Variants in C2CD3 observed in about 807,000 individuals in gnomAD.
C2CD3 encodes the protein C2 domain containing 3 centriole elongation regulator.
Under a neutral mutation model 234.0 loss-of-function variants are expected in C2CD3, and 148 were observed. The ratio of observed to expected loss-of-function variants is 0.63; its 90% CI spans 0.55 to 0.72. The LOEUF is 0.72. Among genes scored for constraint, C2CD3 ranks in the 30% least tolerant of loss-of-function variants. The pLI, the probability that C2CD3 is intolerant of heterozygous loss-of-function variation, is 0.00. For synonymous variants in C2CD3, 1,000 were observed against 1,035.4 expected (o/e 0.97, Z 0.66); for missense variants, 2,577 against 2,811.5 (o/e 0.92, Z 1.89).
At chr11:74,167,271 GTTATA>G (rs1856871627) in intron 2 of C2CD3, among the ~76,000 whole-genome samples, 1 of 152,086 alleles carries the variant, frequency 6.6e-6, no homozygotes, top group African/African-American at 2.4e-5. Flanking sequence ...CTCCTCATTT[GTTATA>G]TTATATAAAA....
intron 24 of C2CD3, among the ~76,000 whole-genome samples, chr11:74,061,824 A>G (rs1954262934): frequency 1.3e-5 from 2 of 152,204 alleles, no homozygotes; most frequent in Admixed American, 1.3e-4. Context: ...AAAGACACAG[A>G]CTGGCAAATT....
At chr11:74,170,606 C>T (rs1374176033) in intron 1 of C2CD3, 132 bp downstream of exon 1, 3 of 1,070,560 alleles carry the variant, frequency 2.8e-6, no homozygotes, top group African/African-American at 1.6e-5. Flanking sequence ...TCCTTTTAAC[C>T]TTCTGGTTCC....
intron 5 of C2CD3, among the ~76,000 whole-genome samples, chr11:74,138,100 T>C (rs1957928034): frequency 2.0e-5 from 3 of 152,252 alleles, no homozygotes; most frequent in South Asian, 4.1e-4. Context: ...GTCAAAGAGA[T>C]ACATGGTTGA....
intron 24 of C2CD3, among the ~76,000 whole-genome samples, chr11:74,071,638 C>T (rs1348639049): frequency 6.6e-6 from 1 of 152,138 alleles, no homozygotes; most frequent in African/African-American, 2.4e-5. Context: ...AGGGAATAAC[C>T]CTGATCTGAA....
chr11:74,059,189 A>G (rs994073335), intron 24 of C2CD3, among the ~76,000 whole-genome samples: 5 of 152,070 alleles, frequency 3.3e-5, no homozygotes, highest in Admixed American at 6.6e-5. Flanking sequence ...TGTATTCTTT[A>G]TAACTGTCTA....
chr11:74,062,910 A>G (rs1215563523), intron 24 of C2CD3, among the ~76,000 whole-genome samples: 1 of 152,198 alleles, frequency 6.6e-6, no homozygotes, highest in Non-Finnish European at 1.5e-5. Context: ...AAAAGAGAGA[A>G]GAATCAAATA....
chr11:74,019,051 C>A (rs1389777637), intron 32 of C2CD3, among the ~76,000 whole-genome samples: 1 of 152,188 alleles, frequency 6.6e-6, no homozygotes, highest in Non-Finnish European at 1.5e-5. Context: ...ACTCCTCAAC[C>A]CTTTTTTTTG....
At chr11:74,170,318 C>A (rs186053102) in intron 1 of C2CD3, among the ~76,000 whole-genome samples, 1 of 152,320 alleles carries the variant, frequency 6.6e-6, no homozygotes, top group African/African-American at 2.4e-5. Flanking sequence ...TTGTACTAAT[C>A]CTTGGTCATT....
intron 20 of C2CD3, among the ~76,000 whole-genome samples, chr11:74,088,611 G>A (rs1955757658): frequency 6.6e-6 from 1 of 152,204 alleles, no homozygotes. Context: ...TTTCCGACTT[G>A]TTATCTGCCC....
intron 1 of C2CD3, among the ~76,000 whole-genome samples, chr11:74,170,133 T>G (rs1159774366): frequency 6.6e-6 from 1 of 152,140 alleles, no homozygotes; most frequent in Non-Finnish European, 1.5e-5. Context: ...GCACACTCTT[T>G]CATGATCTCA....
At chr11:74,100,211 G>A (rs912745424) in intron 15 of C2CD3, among the ~76,000 whole-genome samples, 1 of 152,210 alleles carries the variant, frequency 6.6e-6, no homozygotes, top group African/African-American at 2.4e-5. Context: ...TATGTGACAA[G>A]TAATTTAACT....
At chr11:74,141,116 C>G (rs1958035383) in intron 3 of C2CD3, among the ~76,000 whole-genome samples, 1 of 152,122 alleles carries the variant, frequency 6.6e-6, no homozygotes, top group South Asian at 2.1e-4. Flanking sequence ...ATAATGAATG[C>G]CCTAACACAA....
At chr11:74,158,719 T>G (rs1856218474) in intron 3 of C2CD3, among the ~76,000 whole-genome samples, 1 of 134,312 alleles carries the variant, frequency 7.4e-6, no homozygotes, top group African/African-American at 3.1e-5. Context: ...CAAAACTTCG[T>G]CTCAAAAAAA....
At chr11:74,036,555 A>C (rs921154114) in intron 30 of C2CD3, 1 of 455,028 alleles carries the variant, frequency 2.2e-6, no homozygotes, top group Non-Finnish European at 4.4e-6. Flanking sequence ...CTGTTAGACA[A>C]AGAAAATTGA....
chr11:74,121,608 C>CAA (rs369249513), intron 8 of C2CD3, among the ~76,000 whole-genome samples: 1,287 of 61,202 alleles, frequency 0.021, 48 homozygotes, highest in African/African-American at 0.047. Context: ...GACTCCGTCT[C>CAA]AAAAAAAAAA....
intron 19 of C2CD3, among the ~76,000 whole-genome samples, chr11:74,091,849 C>G (rs1351191057): frequency 6.6e-6 from 1 of 152,114 alleles, no homozygotes. Flanking sequence ...CTCCATGGAG[C>G]TATGAGTTTT....
At position 74,078,168 on chromosome 11, in the gene C2CD3, T is replaced by C. The variant is rs1048880011; in HGVS notation, c.4550A>G (p.Tyr1517Cys). ...CTCCCCAAGTCTGGCCAGGTCCACA[T>C]AGGCTGAGCCAATCCAGCTGTCTGT... is the stretch of plus-strand genomic sequence containing the variant. ...HQTDSWIGSA[Y>C]VDLARLGERS... Residue 1517 changes from tyrosine to cysteine, a missense_variant, in exon 23 of 33, where the codon TAT (tyrosine) becomes TGT (cysteine). Transcript: ENST00000334126. The C allele has an allele frequency of 3.7e-6, 6 of 1,613,988 alleles. No individual in the cohort carries two copies. The highest frequency in any genetic ancestry group is 3.3e-5 in the Admixed American group (2 of 59,996).
In C2CD3 at chr11:74,138,700, G is replaced by C; in HGVS notation, c.955+20C>G. On this transcript the variant is annotated intron_variant, in intron 5 of 32. Transcript: ENST00000334126. ...CATAAACGTAGTTTAGTCTGACTCAGTTCACAAATACATACATACCTGAAA... is the reference window on the plus strand; with the variant it reads ...CATAAACGTAGTTTAGTCTGACTCACTTCACAAATACATACATACCTGAAA... The C allele has an allele frequency of 6.2e-7, 1 of 1,603,448 alleles. No homozygotes were observed. Among genetic ancestry groups the C allele is most frequent in the Non-Finnish European group, 8.5e-7 (1 of 1,170,830 alleles).
intron 20 of C2CD3, among the ~76,000 whole-genome samples, chr11:74,087,047 A>G (rs1182304875): frequency 6.6e-6 from 1 of 152,218 alleles, no homozygotes; most frequent in African/African-American, 2.4e-5. Flanking sequence ...AAGATAGTAT[A>G]TAAATACTAA....
Sources: gnomAD v4.1 joint callset for allele counts (sites outside exome capture counted in the v4.1 genomes callset) on GRCh38, gnomAD v4.1.1 for gene constraint, MANE v1.5 for transcripts, NCBI Gene and HGNC (gene_info 2026-07-23, HGNC 2026-07-21) for gene names.